Variants in COL25A1 observed in about 807,000 individuals in gnomAD.
COL25A1 encodes the protein collagen type XXV alpha 1 chain.
A neutral mutation model predicts 128.4 loss-of-function variants in COL25A1; 103 were observed. The ratio of observed to expected loss-of-function variants is 0.80; its 90% CI spans 0.68 to 0.94. The LOEUF is 0.94. Ranked by LOEUF, COL25A1 falls within the 40% of genes least tolerant of loss-of-function variation. The pLI is 0.00. For missense variants in COL25A1, 745 were observed against 840.0 expected (o/e 0.89, Z 1.40); for synonymous variants, 279 against 277.2 (o/e 1.01, Z -0.06).
At chr4:108,981,960 C>A (rs1445603163) in intron 6 of COL25A1, among the ~76,000 whole-genome samples, 1 of 152,164 alleles carries the variant, frequency 6.6e-6, no homozygotes, top group Non-Finnish European at 1.5e-5. Context: ...CTTTAGGAGG[C>A]TGAGGCAGGC....
intron 3 of COL25A1, among the ~76,000 whole-genome samples, chr4:109,260,850 G>GAA (rs369700003): frequency 0.037 from 5,528 of 150,822 alleles, 334 homozygotes; most frequent in African/African-American, 0.13. Context: ...CAATCAGGAG[G>GAA]AAAAAAAACA....
At chr4:109,101,512 G>C (rs879878244) in intron 3 of COL25A1, among the ~76,000 whole-genome samples, 2 of 152,120 alleles carry the variant, frequency 1.3e-5, no homozygotes, top group Non-Finnish European at 2.9e-5. Context: ...TTAAAATGGA[G>C]ATTTCAAAAT....
chr4:109,189,526 T>A (rs1256180603), intron 3 of COL25A1, among the ~76,000 whole-genome samples: 1 of 120,450 alleles, frequency 8.3e-6, no homozygotes, highest in Non-Finnish European at 1.6e-5. Context: ...CCAGGCTGGG[T>A]GACAGAGAGA....
intron 8 of COL25A1, among the ~76,000 whole-genome samples, chr4:108,969,955 G>T (rs911066643): frequency 6.6e-6 from 1 of 151,182 alleles, no homozygotes; most frequent in South Asian, 2.1e-4. Context: ...AGGCTGGAGT[G>T]CAATCATGCT....
In COL25A1 at chr4:108,831,921, G is replaced by T. The variant is rs540879929; in HGVS notation, c.1710+459C>A. On this transcript the variant is annotated intron_variant, in intron 32 of 37. Transcript: ENST00000399132. ...GCCTATCCTTTAGCTTTAAAAAAGG[G>T]GGAGCATTTGTAACTGTGCAGAAAA... 2.0e-5 allele frequency among the ~76,000 whole-genome samples: 3 copies of T among 152,244 alleles called. No individual in the cohort carries two copies. In the East Asian group the frequency reaches 5.8e-4, roughly 29 times the overall value.
At chr4:108,991,558 AATGATAATACTTTGCAAGTCTAGC>A (rs1754235108) in intron 6 of COL25A1, among the ~76,000 whole-genome samples, 4 of 152,332 alleles carry the variant, frequency 2.6e-5, no homozygotes, top group Admixed American at 2.6e-4. Context: ...TATAACAGAA[AATGATAATACTTTGCAAGTCTAGC>A]ATGATTTCTT....
At chr4:109,097,915 G>A (rs1398783391) in intron 3 of COL25A1, among the ~76,000 whole-genome samples, 1 of 151,736 alleles carries the variant, frequency 6.6e-6, no homozygotes, top group East Asian at 2.0e-4. Context: ...ACCTACCTCG[G>A]CCTCCCAAAG....
intron 3 of COL25A1, among the ~76,000 whole-genome samples, chr4:109,242,774 C>A (rs1233206178): frequency 2.0e-5 from 3 of 151,906 alleles, no homozygotes; most frequent in Admixed American, 1.3e-4. Context: ...ATGAACTTAG[C>A]AAATATATTT....
intron 3 of COL25A1, among the ~76,000 whole-genome samples, chr4:109,266,484 C>CAA (rs1433881939): frequency 6.6e-6 from 1 of 152,046 alleles, no homozygotes; most frequent in Non-Finnish European, 1.5e-5. Context: ...TCCATTGACC[C>CAA]TAAAATATAC....
chr4:109,104,589 T>G (rs1766229779), intron 3 of COL25A1, among the ~76,000 whole-genome samples: 1 of 139,402 alleles, frequency 7.2e-6, no homozygotes, highest in African/African-American at 3.0e-5. Context: ...ACTAAGCCTC[T>G]AACTCTTAAC....
chr4:109,193,720 G>A (rs1165755676), intron 3 of COL25A1, among the ~76,000 whole-genome samples: 1 of 152,122 alleles, frequency 6.6e-6, no homozygotes. Flanking sequence ...TGCTGAGTAG[G>A]AGTCCCCTGT....
intron 35 of COL25A1, 95 bp downstream of exon 35, chr4:108,824,079 A>C (rs753263218): frequency 6.2e-7 from 1 of 1,613,734 alleles, no homozygotes; most frequent in Non-Finnish European, 8.5e-7. Context: ...AGGATGGAGA[A>C]AGATTAAGTG....
chr4:109,063,618 G>T (rs1200578564), intron 3 of COL25A1, among the ~76,000 whole-genome samples: 2 of 152,058 alleles, frequency 1.3e-5, no homozygotes, highest in African/African-American at 4.8e-5. Context: ...GAGGCAGGAG[G>T]ATCACTGCAA....
intron 3 of COL25A1, among the ~76,000 whole-genome samples, chr4:109,161,544 T>C (rs959604534): frequency 6.6e-6 from 1 of 152,188 alleles, no homozygotes; most frequent in Admixed American, 6.5e-5. Flanking sequence ...TGAATCTGAA[T>C]TGTTAGGAAA....
chr4:108,845,564 A>C (rs1436739978), intron 28 of COL25A1, among the ~76,000 whole-genome samples: 1 of 152,218 alleles, frequency 6.6e-6, no homozygotes, highest in Non-Finnish European at 1.5e-5. Context: ...TGCGCAATTT[A>C]AACAGCAAAG....
At chr4:108,949,597 G>A (rs999434134) in intron 8 of COL25A1, among the ~76,000 whole-genome samples, 2 of 151,062 alleles carry the variant, frequency 1.3e-5, no homozygotes, top group Non-Finnish European at 1.5e-5. Context: ...GCAGTGGCAC[G>A]ATCTCGGCTC....
intron 35 of COL25A1, among the ~76,000 whole-genome samples, chr4:108,821,107 A>T (rs904546004): frequency 6.6e-6 from 1 of 152,248 alleles, no homozygotes; most frequent in Non-Finnish European, 1.5e-5. Flanking sequence ...TGAAAGGTTA[A>T]AAGAGATATA....
intron 3 of COL25A1, among the ~76,000 whole-genome samples, chr4:109,235,813 T>A (rs913197540): frequency 6.6e-6 from 1 of 152,220 alleles, no homozygotes; most frequent in Non-Finnish European, 1.5e-5. Context: ...GATTTTGCAG[T>A]TACATTCAGG....
In COL25A1 at chr4:109,133,812, C is replaced by T. The variant is rs568178551; in HGVS notation, c.368-83633G>A. Among the ~76,000 whole-genome samples, 3 of 152,150 alleles carry T rather than the reference C, an allele frequency of 2.0e-5. No individual in the cohort carries two copies. The South Asian group carries it at 6.2e-4, about 32-fold the overall frequency. ...GAACATATAGAAACACTCTATTAAA[C>T]ATTGGAAATAAAGATGAATAAAATG... On this transcript the variant is annotated intron_variant, in intron 3 of 37. Transcript: ENST00000399132.
Sources: allele counts gnomAD v4.1 joint callset (sites outside exome capture counted in the v4.1 genomes callset), GRCh38; gene constraint gnomAD v4.1.1; transcripts MANE v1.5; gene names NCBI Gene and HGNC (gene_info 2026-07-23, HGNC 2026-07-21).